The following DLG1 variants were observed in gnomAD, a reference collection of about 807,000 sequenced individuals.
DLG1 encodes the protein disks large homolog 1.
A neutral mutation model predicts 123.4 loss-of-function variants in DLG1; 42 were observed. The ratio of observed to expected loss-of-function variants is 0.34; its 90% confidence interval spans 0.27 to 0.44. The LOEUF (loss-of-function observed/expected upper bound fraction) is 0.44. Among genes scored for constraint, DLG1 ranks in the 20% least tolerant of loss-of-function variants. The probability of loss-of-function intolerance (pLI) is 1.00; values close to 1 mark genes in which losing one functional copy is unlikely to be tolerated. For missense variants in DLG1, 942 were observed against 1,082.6 expected, an observed-to-expected ratio of 0.87 and a Z score of 1.82; for synonymous variants, 317 against 356.2, an observed-to-expected ratio of 0.89 and a Z score of 1.24.
chr3:197,069,443 T>C (rs1742087521), intron 18 of DLG1, 183 bp from the exon 19 acceptor site: 1 of 427,242 alleles, frequency 2.3e-6, no homozygotes, highest in Non-Finnish European at 4.2e-6. Flanking sequence ...GGAAAACTCC[T>C]GTAATTAAGG....
chr3:197,172,903 T>C (rs971576359), intron 5 of DLG1, among the ~76,000 whole-genome samples: 1 of 152,224 alleles, frequency 6.6e-6, no homozygotes, highest in African/African-American at 2.4e-5. Flanking sequence ...ATCGCTTTTC[T>C]ATTCAAACTG....
chr3:197,215,408 A>G (rs534380001), intron 4 of DLG1, among the ~76,000 whole-genome samples: 3 of 152,276 alleles, frequency 2.0e-5, no homozygotes, highest in African/African-American at 4.8e-5. Context: ...TGAGATCTCA[A>G]TGTGAAAAGA....
At chr3:197,117,686 G>T (rs902416555) in intron 12 of DLG1, among the ~76,000 whole-genome samples, 2 of 152,150 alleles carry the variant, frequency 1.3e-5, no homozygotes, top group Non-Finnish European at 1.5e-5. Context: ...GTGGAAGGGA[G>T]AATTACTGCT....
intron 4 of DLG1, among the ~76,000 whole-genome samples, chr3:197,224,480 A>C (rs1274222105): frequency 6.6e-6 from 1 of 152,214 alleles, no homozygotes; most frequent in Non-Finnish European, 1.5e-5. Flanking sequence ...CACATGAAAA[A>C]ACAGGCTTAA....
intron 4 of DLG1, among the ~76,000 whole-genome samples, chr3:197,273,339 C>G (rs1230518197): frequency 6.6e-6 from 1 of 151,736 alleles, no homozygotes; most frequent in East Asian, 1.9e-4. Flanking sequence ...CCTCTGCTTC[C>G]CAGGCCTCCT....
chr3:197,274,141 A>T (rs1765276761), intron 4 of DLG1, among the ~76,000 whole-genome samples: 1 of 152,178 alleles, frequency 6.6e-6, no homozygotes, highest in African/African-American at 2.4e-5. Flanking sequence ...CACTCCGAAT[A>T]CCCAGAACAA....
chr3:197,223,785 A>G (rs946520629), intron 4 of DLG1, among the ~76,000 whole-genome samples: 3 of 152,228 alleles, frequency 2.0e-5, no homozygotes, highest in African/African-American at 4.8e-5. Flanking sequence ...ATAATTCCCA[A>G]TGTGTATTCT....
intron 3 of DLG1, among the ~76,000 whole-genome samples, chr3:197,292,320 G>A (rs920412113): frequency 1.3e-5 from 2 of 152,126 alleles, no homozygotes; most frequent in Non-Finnish European, 2.9e-5. Flanking sequence ...ACTACAACAT[G>A]AATGAACCTT....
chr3:197,149,708 GAATTACTTC>G, intron 6 of DLG1, 26 bp downstream of exon 6: 5 of 1,405,776 alleles, frequency 3.6e-6, no homozygotes, highest in Non-Finnish European at 5.0e-6. Flanking sequence ...AGGAAAGGCA[GAATTACTTC>G]AATGTGGGGA....
chr3:197,219,992 A>G (rs773962071), intron 4 of DLG1, among the ~76,000 whole-genome samples: 24 of 152,220 alleles, frequency 1.6e-4, no homozygotes, highest in Non-Finnish European at 2.6e-4. Context: ...TTTAAAAAAC[A>G]TTACTATGTA....
At chr3:197,238,970 A>G (rs1298386798) in intron 4 of DLG1, among the ~76,000 whole-genome samples, 1 of 152,162 alleles carries the variant, frequency 6.6e-6, no homozygotes, top group Non-Finnish European at 1.5e-5. Flanking sequence ...GGAGGAAAAA[A>G]ATAATAAAGA....
At chr3:197,266,883 A>G (rs1005546027) in intron 4 of DLG1, among the ~76,000 whole-genome samples, 2 of 152,218 alleles carry the variant, frequency 1.3e-5, no homozygotes, top group Non-Finnish European at 2.9e-5. Flanking sequence ...AGGGGAAGGA[A>G]GAGAAAAAAT....
chr3:197,166,777 G>C (rs1801651308), intron 5 of DLG1, among the ~76,000 whole-genome samples: 1 of 152,040 alleles, frequency 6.6e-6, no homozygotes, highest in African/African-American at 2.4e-5. Context: ...TGTAATCTCA[G>C]CTACTTGGGA....
rs762100657 is a variant in DLG1, at chr3:197,140,721, G to A, written c.589-457C>T. Among the ~76,000 whole-genome samples the A allele has an allele frequency of 4.6e-5, 7 of 152,168 alleles. No individual in the cohort carries two copies. In the South Asian group the frequency reaches 1.2e-3, roughly 27 times the overall value. ...TTTAGCCTTTAAAAAAGGGGGTGGC[G>A]ATGGTGCTTTTCTTCTGCTAACTTG... On this transcript the variant is annotated intron_variant, in intron 7 of 24. Transcript: ENST00000667157.
intron 14 of DLG1, 39 bp downstream of exon 14, chr3:197,104,864 A>T: frequency 7.3e-7 from 1 of 1,377,986 alleles, no homozygotes; most frequent in Non-Finnish European, 1.0e-6. Context: ...TTTAAAAACT[A>T]AAATAAGCAA....
intron 10 of DLG1, among the ~76,000 whole-genome samples, chr3:197,135,504 G>A (rs1784644349): frequency 6.6e-6 from 1 of 152,178 alleles, no homozygotes; most frequent in Non-Finnish European, 1.5e-5. Context: ...TGAGTCTGGT[G>A]AGTCAATTAA....
intron 4 of DLG1, among the ~76,000 whole-genome samples, chr3:197,245,068 T>C (rs917867436): frequency 1.7e-4 from 26 of 152,202 alleles, no homozygotes; most frequent in African/African-American, 5.3e-4. Flanking sequence ...ACTTGGTCCA[T>C]GATAATCGAG....
At chr3:197,271,642 T>C (rs1169314889) in intron 4 of DLG1, among the ~76,000 whole-genome samples, 2 of 152,228 alleles carry the variant, frequency 1.3e-5, no homozygotes, top group Middle Eastern at 3.2e-3. Flanking sequence ...TCTGATTTTT[T>C]TCAAGTCCCA....
At chr3:197,274,813 C>T (rs1765619479) in intron 4 of DLG1, among the ~76,000 whole-genome samples, 3 of 152,154 alleles carry the variant, frequency 2.0e-5, no homozygotes, top group Non-Finnish European at 4.4e-5. Flanking sequence ...TTAGACATTT[C>T]TCAGAAGACA....
Sources: allele counts gnomAD v4.1 joint callset (sites outside exome capture counted in the v4.1 genomes callset), GRCh38; gene constraint gnomAD v4.1.1; transcripts MANE v1.5; gene names NCBI Gene and HGNC (gene_info 2026-07-23, HGNC 2026-07-21).